DLGAP2: variants seen among roughly 807,000 people sequenced by gnomAD.
The protein encoded by DLGAP2 is DLG associated protein 2, also known as disks large-associated protein 2.
In DLGAP2, 26 loss-of-function variants were observed where a neutral mutation model predicts 100.3. That is an observed-to-expected ratio of 0.26 (90% CI 0.19 to 0.36). DLGAP2 has a LOEUF of 0.36. Among genes scored for constraint, DLGAP2 ranks in the 10% least tolerant of loss-of-function variants. DLGAP2 has a pLI of 1.00. For synonymous variants in DLGAP2, 886 were observed against 630.1 expected, an observed-to-expected ratio of 1.41 and a Z score of -6.08; for missense variants, 1,858 against 1,453.2, an observed-to-expected ratio of 1.28 and a Z score of -4.53.
At chr8:1,168,666 G>A (rs1797067106) in intron 2 of DLGAP2, among the ~76,000 whole-genome samples, 1 of 146,712 alleles carries the variant, frequency 6.8e-6, no homozygotes, top group Non-Finnish European at 1.5e-5. Flanking sequence ...TTTTTTGGCT[G>A]CATAAATGTC....
intron 2 of DLGAP2, among the ~76,000 whole-genome samples, chr8:1,194,223 CAGG>C (rs1382414962): frequency 6.6e-6 from 1 of 152,086 alleles, no homozygotes; most frequent in African/African-American, 2.4e-5. Context: ...CAGCCCGACT[CAGG>C]AGGAGCTCAG....
intron 3 of DLGAP2, among the ~76,000 whole-genome samples, chr8:1,315,583 C>T (rs1266481455): frequency 1.4e-5 from 2 of 140,722 alleles, no homozygotes; most frequent in African/African-American, 5.3e-5. Flanking sequence ...ACGAGTGCAG[C>T]GTCTCTCCAA....
chr8:1,108,855 GTGTGCACGGGTCTGTGAGA>G (rs1292405439), intron 2 of DLGAP2, among the ~76,000 whole-genome samples: 9 of 131,820 alleles, frequency 6.8e-5, no homozygotes, highest in Middle Eastern at 4.7e-3. Flanking sequence ...GGTCTGTGAG[GTGTGCACGGGTCTGTGAGA>G]TGTGCATGGG....
At chr8:1,462,534 G>A (rs7015467) in intron 3 of DLGAP2, among the ~76,000 whole-genome samples, 20,337 of 76,266 alleles carry the variant, frequency 0.27, 4,570 homozygotes, top group East Asian at 0.65. Flanking sequence ...TGATTTGGTG[G>A]CCAGGAGGAG....
chr8:1,580,256 A>G (rs1803176497), intron 6 of DLGAP2, among the ~76,000 whole-genome samples: 1 of 152,206 alleles, frequency 6.6e-6, no homozygotes, highest in Admixed American at 6.5e-5. Flanking sequence ...GCCTGGCTAA[A>G]TGGGAAGCAG....
intron 3 of DLGAP2, among the ~76,000 whole-genome samples, chr8:1,473,009 C>T (rs1329810596): frequency 6.6e-6 from 1 of 152,156 alleles, no homozygotes; most frequent in Non-Finnish European, 1.5e-5. Context: ...CAGCTCACTG[C>T]AACCTCCGCC....
At chr8:1,602,635 A>T (rs1796665079) in intron 6 of DLGAP2, among the ~76,000 whole-genome samples, 1 of 152,194 alleles carries the variant, frequency 6.6e-6, no homozygotes, top group Non-Finnish European at 1.5e-5. Context: ...CTGACCCTCT[A>T]CCAGCTCAGA....
rs1423639908 is a variant in DLGAP2 at position 1,702,901 on chromosome 8, G to A, written c.*1495G>A. 2 of 152,670 alleles carry A rather than the reference G, an allele frequency of 1.3e-5. No homozygotes were observed. The highest frequency in any genetic ancestry group is 6.5e-5 in the Admixed American group (1 of 15,284). 9.5% of individuals were successfully genotyped at this position (152,670 alleles called of 1,614,324 possible). On this transcript the variant is annotated 3_prime_UTR_variant, in exon 15 of 15. Coordinates refer to ENST00000637795, the MANE Select transcript of DLGAP2 (RefSeq NM_001346810.2). The stretch of plus-strand genomic sequence containing the variant: ...CTGGTCTTCCTTCCCGGCTTAAGGA[G>A]TACCATGTACTTAGCCACAGGCAGA...
chr8:1,099,621 G>A (rs1164489913), intron 2 of DLGAP2, among the ~76,000 whole-genome samples: 4 of 152,360 alleles, frequency 2.6e-5, no homozygotes, highest in African/African-American at 9.6e-5. Context: ...GTGAAGCTTT[G>A]AAGCTTCAGA....
At chr8:1,361,228 C>T (rs532449705) in intron 3 of DLGAP2, among the ~76,000 whole-genome samples, 26 of 152,306 alleles carry the variant, frequency 1.7e-4, no homozygotes, top group East Asian at 1.2e-3. Context: ...ATGGTCCCTG[C>T]GGCAAGGTGA....
intron 3 of DLGAP2, among the ~76,000 whole-genome samples, chr8:1,449,376 C>G (rs1441037312): frequency 1.5e-4 from 23 of 152,204 alleles, no homozygotes; most frequent in African/African-American, 2.4e-5. Context: ...TGCAGGAATT[C>G]TCTCAGAGTT....
At chr8:1,048,035 G>A (rs1490312731) in intron 2 of DLGAP2, among the ~76,000 whole-genome samples, 3 of 152,134 alleles carry the variant, frequency 2.0e-5, no homozygotes, top group Admixed American at 6.5e-5. Context: ...TATTTGACCC[G>A]ACTGTGTGTA....
At chr8:1,202,409 T>G (rs948205698) in intron 2 of DLGAP2, among the ~76,000 whole-genome samples, 5 of 152,128 alleles carry the variant, frequency 3.3e-5, no homozygotes, top group African/African-American at 1.2e-4. Context: ...GTGGGGCGTG[T>G]GTGAGCCCTC....
intron 3 of DLGAP2, among the ~76,000 whole-genome samples, chr8:1,407,556 C>T (rs1486718276): frequency 7.6e-6 from 1 of 132,402 alleles, no homozygotes; most frequent in African/African-American, 2.8e-5. Context: ...AGCGCCACCT[C>T]CTCATCCTCC....
At chr8:786,711 A>C (rs1821877449) in intron 1 of DLGAP2, among the ~76,000 whole-genome samples, 1 of 151,700 alleles carries the variant, frequency 6.6e-6, no homozygotes, top group African/African-American at 2.4e-5. Flanking sequence ...CTGAGAAGGG[A>C]GAGTTTCCCT....
chr8:773,330 T>C (rs1391571569), intron 1 of DLGAP2, among the ~76,000 whole-genome samples: 1 of 152,054 alleles, frequency 6.6e-6, no homozygotes, highest in Admixed American at 6.5e-5. Context: ...TCACTTCTTT[T>C]TTTTTTTTTA....
chr8:1,272,385 T>G (rs1402614587), intron 3 of DLGAP2, among the ~76,000 whole-genome samples: 1 of 152,090 alleles, frequency 6.6e-6, no homozygotes, highest in Non-Finnish European at 1.5e-5. Flanking sequence ...AAAAGAAAGT[T>G]TTTATATATA....
chr8:1,189,368 GT>G, intron 2 of DLGAP2, among the ~76,000 whole-genome samples: 1 of 152,328 alleles, frequency 6.6e-6, no homozygotes, highest in South Asian at 2.1e-4. Flanking sequence ...GGTCAACCTG[GT>G]CCCTAAATAA....
At chr8:1,475,686 C>A (rs1323920773) in intron 3 of DLGAP2, among the ~76,000 whole-genome samples, 1 of 152,188 alleles carries the variant, frequency 6.6e-6, no homozygotes, top group East Asian at 1.9e-4. Flanking sequence ...GAAGACAGAA[C>A]CCTCGCGTGG....
Sources: allele counts gnomAD v4.1 joint callset (sites outside exome capture counted in the v4.1 genomes callset), GRCh38; gene constraint gnomAD v4.1.1; transcripts MANE v1.5; gene names NCBI Gene and HGNC (gene_info 2026-07-23, HGNC 2026-07-21).